Variants in SCAPER observed in about 807,000 individuals in gnomAD.
SCAPER encodes the protein S-phase cyclin A associated protein in the ER, also known as S phase cyclin A-associated protein in the endoplasmic reticulum.
A neutral mutation model predicts 182.2 loss-of-function variants in SCAPER; 98 were observed. The ratio of observed to expected loss-of-function variants is 0.54; its 90% CI spans 0.46 to 0.64. The LOEUF (loss-of-function observed/expected upper bound fraction) is 0.64. Ranked by LOEUF, SCAPER falls within the 30% of genes least tolerant of loss-of-function variation. The pLI, the probability that SCAPER is intolerant of heterozygous loss-of-function variation, is 0.00. For synonymous variants in SCAPER, 605 were observed against 564.6 expected (o/e 1.07, Z -1.01); for missense variants, 1,432 against 1,690.0 (o/e 0.85, Z 2.68).
intron 13 of SCAPER, 82 bp downstream of exon 13, chr15:76,765,255 C>A: frequency 8.6e-7 from 1 of 1,166,788 alleles, no homozygotes; most frequent in African/African-American, 1.5e-5. Context: ...CCAAAAATGC[C>A]ACGTAGCAAT....
At chr15:76,769,303 C>T (rs2063308729) in intron 10 of SCAPER, among the ~76,000 whole-genome samples, 1 of 151,628 alleles carries the variant, frequency 6.6e-6, no homozygotes, top group African/African-American at 2.4e-5. Flanking sequence ...ATTAGCCAGG[C>T]GTGGTGGCAA....
rs147524342 is a variant in SCAPER, at chr15:76,818,721, G to A, written c.394-14088C>T. Among the ~76,000 whole-genome samples the A allele has an allele frequency of 2.8e-3, 424 of 152,372 alleles. 1 individual carries two copies. Among genetic ancestry groups the A allele is most frequent in the African/African-American group, 9.9e-3 (410 of 41,594 alleles). On this transcript the variant is annotated intron_variant, in intron 5 of 31. Coordinates refer to ENST00000563290, the MANE Select transcript of SCAPER (RefSeq NM_020843.4). Reference sequence around the variant, plus strand: ...TGAGGTACCAGGTTCATCTCACTGGGGAGTGCCAGACAGTGGGTGCAGGAC... The same window carrying A: ...TGAGGTACCAGGTTCATCTCACTGGAGAGTGCCAGACAGTGGGTGCAGGAC...
chr15:76,483,381 A>G (rs2051312434), intron 24 of SCAPER, among the ~76,000 whole-genome samples: 2 of 152,102 alleles, frequency 1.3e-5, no homozygotes, highest in Admixed American at 1.3e-4. Context: ...AATGTAAATC[A>G]TAAAACCTTA....
chr15:76,571,247 CT>C, intron 23 of SCAPER, among the ~76,000 whole-genome samples: 1 of 152,104 alleles, frequency 6.6e-6, no homozygotes, highest in East Asian at 1.9e-4. Context: ...CTATTTGATG[CT>C]TTTAAGAAAA....
At chr15:76,424,956 C>G (rs1376704810) in intron 26 of SCAPER, among the ~76,000 whole-genome samples, 2 of 152,166 alleles carry the variant, frequency 1.3e-5, no homozygotes, top group African/African-American at 4.8e-5. Flanking sequence ...CCCATTCTCT[C>G]CTGGCTTGAA....
chr15:76,425,117 A>G (rs1183948255), intron 26 of SCAPER, among the ~76,000 whole-genome samples: 1 of 152,018 alleles, frequency 6.6e-6, no homozygotes, highest in Non-Finnish European at 1.5e-5. Context: ...CTTCTCGAGG[A>G]GTATCTTTGT....
chr15:76,881,759 T>A (rs1462627910), intron 2 of SCAPER, among the ~76,000 whole-genome samples: 1 of 152,142 alleles, frequency 6.6e-6, no homozygotes, highest in Admixed American at 6.5e-5. Context: ...GTATAGAGTT[T>A]CAATATTTCA....
At chr15:76,375,085 GTACCCGCCGGTAGACCCAAC>G (rs559316844) in intron 29 of SCAPER, among the ~76,000 whole-genome samples, 82 of 151,262 alleles carry the variant, frequency 5.4e-4, no homozygotes, top group African/African-American at 1.9e-3. Flanking sequence ...GGGTGTGATG[GTACCCGCCGGTAGACCCAAC>G]TACTCAGGAG....
intron 20 of SCAPER, among the ~76,000 whole-genome samples, chr15:76,682,433 C>T (rs894851530): frequency 1.3e-5 from 2 of 152,102 alleles, no homozygotes; most frequent in African/African-American, 4.8e-5. Flanking sequence ...CCCATCAACA[C>T]CCTGCCACTG....
At chr15:76,405,482 C>T (rs2044761553) in intron 26 of SCAPER, among the ~76,000 whole-genome samples, 1 of 152,114 alleles carries the variant, frequency 6.6e-6, no homozygotes, top group African/African-American at 2.4e-5. Flanking sequence ...CCATTAACAG[C>T]ATAACAAACA....
intron 8 of SCAPER, among the ~76,000 whole-genome samples, chr15:76,779,942 A>G (rs1166317807): frequency 1.3e-5 from 2 of 152,242 alleles, no homozygotes; most frequent in Non-Finnish European, 2.9e-5. Flanking sequence ...GAACAGCTCC[A>G]GTCTGCAGCT....
intron 22 of SCAPER, among the ~76,000 whole-genome samples, chr15:76,580,281 A>T (rs937409022): frequency 6.6e-6 from 1 of 152,188 alleles, no homozygotes; most frequent in Non-Finnish European, 1.5e-5. Flanking sequence ...ACCACAAAAT[A>T]AGTCTTAAAA....
chr15:76,689,804 CA>C (rs1347456004), intron 20 of SCAPER, among the ~76,000 whole-genome samples: 1 of 149,858 alleles, frequency 6.7e-6, no homozygotes, highest in African/African-American at 2.5e-5. Context: ...AAGAGGTGTC[CA>C]AAAAAAACTA....
chr15:76,719,676 CAAATAA>C (rs2060091743), intron 17 of SCAPER, among the ~76,000 whole-genome samples: 1 of 151,914 alleles, frequency 6.6e-6, no homozygotes, highest in Non-Finnish European at 1.5e-5. Flanking sequence ...AAATAAACAA[CAAATAA>C]AAACTATTTT....
At chr15:76,701,328 C>A (rs7168735) in intron 20 of SCAPER, among the ~76,000 whole-genome samples, 4,347 of 152,120 alleles carry the variant, frequency 0.029, 192 homozygotes, top group African/African-American at 0.094. Context: ...CATATTTATA[C>A]AAATCTAAAT....
rs28771748 is a variant in SCAPER at position 76,743,919 on chromosome 15, A to G, written c.1866+9889T>C. On this transcript the variant is annotated intron_variant, in intron 15 of 31. Coordinates refer to ENST00000563290, the MANE Select transcript of SCAPER (RefSeq NM_020843.4). ...ACAAGGCTACAGTAAACAAAACAGC[A>G]TGGTACTGGTACAAAACAGACACAC... is the stretch of plus-strand genomic sequence containing the variant. Among the ~76,000 whole-genome samples the G allele has an allele frequency of 2.1e-3, 313 of 152,308 alleles. 1 individual carries two copies. Among genetic ancestry groups the G allele is most frequent in the African/African-American group, 7.1e-3 (296 of 41,578 alleles).
intron 14 of SCAPER, among the ~76,000 whole-genome samples, chr15:76,755,020 T>TAC (rs1188658371): frequency 2.0e-5 from 3 of 147,864 alleles, no homozygotes; most frequent in African/African-American, 8.0e-5. Context: ...AAGGGATACC[T>TAC]ACATTGATGA....
At chr15:76,437,426 C>T (rs1316259429) in intron 25 of SCAPER, among the ~76,000 whole-genome samples, 1 of 152,156 alleles carries the variant, frequency 6.6e-6, no homozygotes, top group Non-Finnish European at 1.5e-5. Flanking sequence ...TAACTTTCAT[C>T]TATTTACTAG....
At chr15:76,807,760 A>G (rs2066282661) in intron 5 of SCAPER, among the ~76,000 whole-genome samples, 1 of 146,956 alleles carries the variant, frequency 6.8e-6, no homozygotes, top group South Asian at 2.1e-4. Flanking sequence ...AGAAGAATTC[A>G]CTCGAAAAAT....
Sources: allele counts gnomAD v4.1 joint callset (sites outside exome capture counted in the v4.1 genomes callset), GRCh38; gene constraint gnomAD v4.1.1; transcripts MANE v1.5; gene names NCBI Gene and HGNC (gene_info 2026-07-23, HGNC 2026-07-21).